The following SMUG1 variants were observed in gnomAD, a reference collection of about 807,000 sequenced individuals.
The protein encoded by SMUG1 is single-strand-selective monofunctional uracil-DNA glycosylase 1, also known as single-strand selective monofunctional uracil DNA glycosylase.
SMUG1 carries 13 observed loss-of-function variants against 23.9 expected under a neutral mutation model. The observed-to-expected ratio is 0.54, with a 90% CI of 0.35 to 0.86. The LOEUF (loss-of-function observed/expected upper bound fraction) is 0.86. SMUG1 is among the 40% of genes least tolerant of loss of function. The probability of loss-of-function intolerance (pLI) is 0.01; values close to 1 mark genes in which losing one functional copy is unlikely to be tolerated. For synonymous variants in SMUG1, 133 were observed against 139.8 expected (o/e 0.95, Z 0.34); for missense variants, 313 against 339.5 (o/e 0.92, Z 0.61).
At chr12:54,160,018 ACAATGGGCTTTCAC>A (rs1401101252), downstream of SMUG1, among the ~76,000 whole-genome samples, 1 of 152,236 alleles carries the variant, frequency 6.6e-6, no homozygotes, top group Non-Finnish European at 1.5e-5. Flanking sequence ...GCACACTGAC[ACAATGGGCTTTCAC>A]CTTGACAGTT....
downstream of SMUG1, among the ~76,000 whole-genome samples, chr12:54,176,507 T>TCCCCCA (rs1940755423): frequency 9.3e-5 from 6 of 64,396 alleles, 2 homozygotes; most frequent in African/African-American, 2.1e-4. Flanking sequence ...GAAGATCCTG[T>TCCCCCA]CCCCCCCCAA....
chr12:54,169,074 C>T (rs1940553665), intron 3 of SMUG1, among the ~76,000 whole-genome samples: 1 of 152,132 alleles, frequency 6.6e-6, no homozygotes, highest in Non-Finnish European at 1.5e-5. Flanking sequence ...CACCCTCCAC[C>T]CCAGGGTCTG....
downstream of SMUG1, among the ~76,000 whole-genome samples, chr12:54,179,559 T>C (rs10161263): frequency 0.72 from 109,065 of 151,994 alleles, 39,694 homozygotes; most frequent in African/African-American, 0.84. Flanking sequence ...AAGGAGTCTA[T>C]GGCATGTGGA....
chr12:54,162,973 A>G (rs1940320541), downstream of SMUG1, among the ~76,000 whole-genome samples: 9 of 152,160 alleles, frequency 5.9e-5, no homozygotes. Flanking sequence ...GGAACGAGGG[A>G]GCTGTCGGGC....
rs11289804 is a variant in SMUG1, at chr12:54,169,510, TAAA to T, written c.*52+2512_*52+2514del. Among the ~76,000 whole-genome samples the T allele has an allele frequency of 2.8e-4, 40 of 140,526 alleles. 2 individuals carry two copies. Among genetic ancestry groups the T allele is most frequent in the African/African-American group, 8.5e-4 (32 of 37,530 alleles). The allele number at this position is 140,526 out of a possible 152,430, so 92.2% of individuals were successfully genotyped here. A position where few individuals can be genotyped will look rare whatever the true frequency, so the allele number is the denominator to read the frequency against. ...CTGTCTGTCAGCAGTGGGTCAGGCT[TAAA>T]AAAAAAAAAAAAGTGATCTGGGGAG... On this transcript the variant is annotated intron_variant and NMD_transcript_variant, in intron 3 of 4. Transcript: ENST00000509864.
intron 2 of SMUG1, chr12:54,172,266 G>T: frequency 2.8e-6 from 1 of 360,430 alleles, no homozygotes; most frequent in Non-Finnish European, 6.0e-6. Context: ...TCTCTTCCCT[G>T]ATTTTCTCTG....
At chr12:54,171,720 G>A (rs1940625802) in intron 3 of SMUG1, among the ~76,000 whole-genome samples, 1 of 139,218 alleles carries the variant, frequency 7.2e-6, no homozygotes, top group Non-Finnish European at 1.5e-5. Context: ...CTATAGACTT[G>A]TGTATTGATT....
chr12:54,187,951 G>A (rs1280587893), intron 1 of SMUG1, 49 bp from the exon 2 acceptor site: 1 of 152,138 alleles, frequency 6.6e-6, no homozygotes, highest in Non-Finnish European at 1.5e-5. Flanking sequence ...TGTGATGTGA[G>A]CTTTAATACC....
Position 54,182,229 on chromosome 12 carries a change from C to G in SMUG1, c.680G>C (p.Gly227Ala). 6.2e-7 allele frequency: 1 copy of G among 1,611,824 alleles called. No individual in the cohort carries two copies. The highest frequency in any genetic ancestry group is 8.5e-7 in the Non-Finnish European group (1 of 1,178,580). Residue 227 changes from glycine to alanine, a missense_variant, in exon 4 of 4, where the codon GGC becomes GCC. Transcript: ENST00000682136. The part of the protein sequence containing the change: ...AEQRARRALA[G>A]LMPEVQVEGL... ...TTCCACCTGGACCTCTGGCATCAGG[C>G]CTGCCAGAGCCCGTCGTGCCCGCTG...
In SMUG1 at chr12:54,170,958, G is replaced by A. The variant is rs192746066; in HGVS notation, c.*52+1067C>T. 1.7e-3 allele frequency among the ~76,000 whole-genome samples: 252 copies of A among 150,818 alleles called. 2 individuals are homozygous for A. Among genetic ancestry groups the A allele is most frequent in the African/African-American group, 5.7e-3 (235 of 41,068 alleles). On this transcript the variant is annotated intron_variant and NMD_transcript_variant, in intron 3 of 4. Coordinates refer to the SMUG1 transcript ENST00000509864. ...CTCTACAACTTCTAAATATTGCGGC[G>A]CCTAGACTCTGTCATTGGATGCCCT...
intron 2 of SMUG1, chr12:54,175,222 A>G (rs1940724262): frequency 6.6e-6 from 1 of 152,128 alleles, no homozygotes; most frequent in African/African-American, 2.4e-5. Context: ...CCATTCCATC[A>G]CTAGCTTCTC....
chr12:54,183,394 CGGAA>C, intron 3 of SMUG1: 1 of 569,582 alleles, frequency 1.8e-6, no homozygotes, highest in Non-Finnish European at 3.1e-6. Flanking sequence ...ATGGGGCTGG[CGGAA>C]GGAAGGGCTC....
intron 3 of SMUG1, among the ~76,000 whole-genome samples, chr12:54,166,360 CATAA>C (rs1459179532): frequency 6.6e-6 from 1 of 152,064 alleles, no homozygotes; most frequent in Admixed American, 6.6e-5. Flanking sequence ...GACTGTGTCA[CATAA>C]ATAAATAGAT....
chr12:54,162,474 CAGG>C (rs1191295813), downstream of SMUG1: 1 of 152,174 alleles, frequency 6.6e-6, no homozygotes, highest in Middle Eastern at 3.2e-3. Flanking sequence ...GAGCCTCTCT[CAGG>C]AGGACAGAAC....
At chr12:54,166,558 C>T (rs1940470596) in intron 3 of SMUG1, among the ~76,000 whole-genome samples, 1 of 152,308 alleles carries the variant, frequency 6.6e-6, no homozygotes, top group Non-Finnish European at 1.5e-5. Flanking sequence ...CCCTGCCAGC[C>T]AGTCTTGGTC....
chr12:54,184,957 C>G lies in SMUG1; in HGVS notation c.-19-998G>C, dbSNP rs74434929. Among the ~76,000 whole-genome samples, 12 of 152,200 alleles carry G rather than the reference C, an allele frequency of 7.9e-5. No homozygotes were observed. In the South Asian group the frequency reaches 2.1e-3, roughly 26 times the overall value. ...GGCGGCTGAATCACCTTAGGTCAGGCGTTCAAAACTGGCCTGGCCAACATG... is the reference window on the plus strand; with the variant it reads ...GGCGGCTGAATCACCTTAGGTCAGGGGTTCAAAACTGGCCTGGCCAACATG... On this transcript the variant is annotated intron_variant, in intron 2 of 3. Coordinates refer to ENST00000682136, the MANE Select transcript of SMUG1 (RefSeq NM_001243787.2).
At position 54,181,548 on chromosome 12, in the gene SMUG1, T is replaced by C. The variant is rs1313993264; in HGVS notation, c.*548A>G. ...AGCTGGGATGAAAAGCCAGGTCTTC[T>C]GACTTGCACTCTGTCACACTGGATT... On this transcript the variant is annotated 3_prime_UTR_variant, in exon 4 of 4. Coordinates refer to ENST00000682136, the MANE Select transcript of SMUG1 (RefSeq NM_001243787.2). 8.4e-6 allele frequency: 13 copies of C among 1,543,560 alleles called. No homozygotes were observed. The highest frequency in any genetic ancestry group is 1.9e-5 in the Admixed American group (1 of 51,546).
chr12:54,188,516 C>G (rs1246956648), intron 1 of SMUG1: 2 of 151,650 alleles, frequency 1.3e-5, no homozygotes, highest in Non-Finnish European at 2.9e-5. Context: ...CCCACCTACT[C>G]GGGAGGCTGA....
At chr12:54,165,846 G>A (rs919907766) in intron 3 of SMUG1, among the ~76,000 whole-genome samples, 6 of 152,274 alleles carry the variant, frequency 3.9e-5, no homozygotes, top group African/African-American at 1.4e-4. Context: ...CTTCCTAGAT[G>A]AAACCAGGTA....
Sources: allele counts gnomAD v4.1 joint callset (sites outside exome capture counted in the v4.1 genomes callset), GRCh38; gene constraint gnomAD v4.1.1; transcripts MANE v1.5; gene names NCBI Gene and HGNC (gene_info 2026-07-23, HGNC 2026-07-21).